AHCYL2: variants seen among roughly 807,000 people sequenced by gnomAD.
AHCYL2 encodes adenosylhomocysteinase like 2, also known as S-adenosylhomocysteine hydrolase-like protein 2.
AHCYL2 carries 28 observed loss-of-function variants against 81.4 expected under a neutral mutation model. That is an observed-to-expected ratio of 0.34 (90% confidence interval 0.25 to 0.47). The LOEUF (loss-of-function observed/expected upper bound fraction) is 0.47, where lower values mean the gene tolerates loss of function less well. AHCYL2 is among the 20% of genes least tolerant of loss of function. The pLI, the probability that AHCYL2 is intolerant of heterozygous loss-of-function variation, is 1.00. For missense variants in AHCYL2, 551 were observed against 785.1 expected (o/e 0.70, Z 3.56); for synonymous variants, 272 against 290.2 (o/e 0.94, Z 0.64).
chr7:129,327,623 G>C (rs576851492), intron 1 of AHCYL2, among the ~76,000 whole-genome samples: 77 of 152,022 alleles, frequency 5.1e-4, no homozygotes, highest in African/African-American at 1.6e-3. Flanking sequence ...CCGCCACCTT[G>C]CCTGGCTAAT....
intron 2 of AHCYL2, among the ~76,000 whole-genome samples, chr7:129,387,912 G>C (rs913782945): frequency 6.6e-6 from 1 of 152,182 alleles, no homozygotes; most frequent in Non-Finnish European, 1.5e-5. Context: ...AGCCCCTGCT[G>C]CCCAAATGGT....
chr7:129,306,017 C>T (rs1396445700), intron 1 of AHCYL2, among the ~76,000 whole-genome samples: 2 of 152,138 alleles, frequency 1.3e-5, no homozygotes, highest in African/African-American at 2.4e-5. Context: ...CTTTTAGGAT[C>T]CTTTCTCTAT....
At chr7:129,413,912 C>T (rs907052281) in intron 12 of AHCYL2, among the ~76,000 whole-genome samples, 14 of 152,226 alleles carry the variant, frequency 9.2e-5, no homozygotes, top group African/African-American at 3.1e-4. Context: ...TATTCAAGCT[C>T]GATGCCTGTT....
At chr7:129,394,478 G>C (rs1201134343) in intron 4 of AHCYL2, among the ~76,000 whole-genome samples, 2 of 28,050 alleles carry the variant, frequency 7.1e-5, no homozygotes, top group Non-Finnish European at 1.3e-4. Flanking sequence ...ACAGAGTTTT[G>C]CTCTTGTTGC....
chr7:129,361,931 G>A (rs1793944044), intron 1 of AHCYL2, among the ~76,000 whole-genome samples: 1 of 152,046 alleles, frequency 6.6e-6, no homozygotes, highest in South Asian at 2.1e-4. Flanking sequence ...CAATCCTATA[G>A]GATAGATATT....
intron 1 of AHCYL2, among the ~76,000 whole-genome samples, chr7:129,365,628 G>GTATATATATATATATA (rs10526470): frequency 0.021 from 2,637 of 124,160 alleles, 144 homozygotes; most frequent in Middle Eastern, 0.043. Context: ...GGAGGATAGA[G>GTATATATATATATATA]TATATATATA....
rs145776123 is a variant in AHCYL2 at position 129,406,272 on chromosome 7, G to A, written c.1207-106G>A. On this transcript the variant is annotated intron_variant, in intron 9 of 16. Transcript: ENST00000325006. The surrounding 1 kb of genome is among the most constrained non-coding windows in gnomAD (Gnocchi z 4.3). ...TTCCCCAAGTATGAATCTATTCAGT[G>A]AAATTCCTCTCGGGGGTGGAAAGAG... The A allele has an allele frequency of 3.8e-4, 370 of 962,800 alleles. No homozygotes were observed. The African/African-American group carries it at 5.5e-3, about 14-fold the overall frequency. 59.6% of individuals were successfully genotyped at this position (962,800 alleles called of 1,614,324 possible).
intron 1 of AHCYL2, among the ~76,000 whole-genome samples, chr7:129,231,826 G>C (rs550791572): frequency 1.3e-5 from 2 of 152,304 alleles, no homozygotes; most frequent in Admixed American, 1.3e-4. Flanking sequence ...GATTAAATTA[G>C]ATGATTATTT....
intron 4 of AHCYL2, among the ~76,000 whole-genome samples, chr7:129,390,236 A>G (rs1002738611): frequency 6.6e-6 from 1 of 152,236 alleles, no homozygotes; most frequent in Admixed American, 6.5e-5. Flanking sequence ...CAAGAAATAT[A>G]ACAACTATTT....
chr7:129,358,353 C>G (rs1793813757), intron 1 of AHCYL2, among the ~76,000 whole-genome samples: 1 of 151,900 alleles, frequency 6.6e-6, no homozygotes, highest in African/African-American at 2.4e-5. Flanking sequence ...GATCGCGCCA[C>G]TGCACTCCAG....
intron 1 of AHCYL2, among the ~76,000 whole-genome samples, chr7:129,313,268 A>G (rs528889450): frequency 6.6e-6 from 1 of 152,344 alleles, no homozygotes; most frequent in South Asian, 2.1e-4. Context: ...TTTTTAGAGA[A>G]TAAGGGATAA....
chr7:129,370,716 A>G (rs2150861879), intron 1 of AHCYL2, among the ~76,000 whole-genome samples: 1 of 152,278 alleles, frequency 6.6e-6, no homozygotes, highest in South Asian at 2.1e-4. Flanking sequence ...CAAACAAAAT[A>G]ATAATTTAGA....
At chr7:129,398,675 G>C (rs986806245) in intron 5 of AHCYL2, among the ~76,000 whole-genome samples, 1 of 151,560 alleles carries the variant, frequency 6.6e-6, no homozygotes, top group East Asian at 1.9e-4. Context: ...CACCGCACCC[G>C]GCTGCCCCAT....
intron 2 of AHCYL2, among the ~76,000 whole-genome samples, chr7:129,380,503 T>C (rs1036615307): frequency 1.3e-5 from 2 of 152,234 alleles, no homozygotes; most frequent in African/African-American, 4.8e-5. Flanking sequence ...AAAATGTTTA[T>C]TATGACCTGA....
chr7:129,236,072 A>G (rs1359208094), intron 1 of AHCYL2, among the ~76,000 whole-genome samples: 1 of 141,986 alleles, frequency 7.0e-6, no homozygotes, highest in Admixed American at 7.6e-5. Context: ...CCTGGGCTGG[A>G]GTGCAATGGC....
intron 1 of AHCYL2, among the ~76,000 whole-genome samples, chr7:129,314,469 C>T (rs1257590800): frequency 6.6e-6 from 1 of 152,094 alleles, no homozygotes; most frequent in Non-Finnish European, 1.5e-5. Flanking sequence ...CAGTTTATTT[C>T]TCATAGTTCT....
chr7:129,289,803 G>T (rs1239145571), intron 1 of AHCYL2, among the ~76,000 whole-genome samples: 2 of 146,678 alleles, frequency 1.4e-5, no homozygotes, highest in African/African-American at 5.1e-5. Flanking sequence ...TTTTTTTTGA[G>T]ACGGAGTCTT....
chr7:129,256,824 G>A (rs1584712330), intron 1 of AHCYL2, among the ~76,000 whole-genome samples: 2 of 151,666 alleles, frequency 1.3e-5, no homozygotes, highest in Non-Finnish European at 2.9e-5. Context: ...ATTGCCAAAT[G>A]CAATAGAGGT....
In AHCYL2 at chr7:129,312,029, C is replaced by G. The variant is rs145814080; in HGVS notation, c.364-67609C>G. 5.8e-3 allele frequency among the ~76,000 whole-genome samples: 882 copies of G among 152,144 alleles called. 7 individuals carry two copies. Among genetic ancestry groups the G allele is most frequent in the African/African-American group, 0.02 (833 of 41,498 alleles). ...GACAACGTTTCGCTCTTGTCATTGC[C>G]CCAGGCTGGAGTACAGTGGTGCAGT... On this transcript the variant is annotated intron_variant, in intron 1 of 16. Coordinates refer to ENST00000325006, the MANE Select transcript of AHCYL2 (RefSeq NM_015328.4).
Sources: gnomAD v4.1 joint callset for allele counts (sites outside exome capture counted in the v4.1 genomes callset) on GRCh38, gnomAD v4.1.1 for gene constraint, Gnocchi (gnomAD v3.1) non-coding constraint, MANE v1.5 for transcripts, NCBI Gene and HGNC (gene_info 2026-07-23, HGNC 2026-07-21) for gene names.